The following MGMT variants were observed in gnomAD, a reference collection of about 807,000 sequenced individuals.
MGMT encodes the protein methylated-DNA--protein-cysteine methyltransferase.
MGMT carries 14 observed loss-of-function variants against 15.9 expected under a neutral mutation model. That is an observed-to-expected ratio of 0.88 (90% confidence interval 0.58 to 1.37). The LOEUF (loss-of-function observed/expected upper bound fraction) is 1.37, where lower values mean the gene tolerates loss of function less well. MGMT is among the 40% of genes most tolerant of loss of function. The probability of loss-of-function intolerance (pLI) is 0.00; values close to 1 mark genes in which losing one functional copy is unlikely to be tolerated. For synonymous variants in MGMT, 130 were observed against 118.2 expected, an observed-to-expected ratio of 1.10 and a Z score of -0.65; for missense variants, 282 against 268.1, an observed-to-expected ratio of 1.05 and a Z score of -0.36.
rs905321674 is a variant in MGMT, at chr10:129,769,135, C to T, written c.*2138C>T. On this transcript the variant is annotated 3_prime_UTR_variant, in exon 5 of 5. Transcript: ENST00000651593. ...CAGGTGGGCCTGCTCGGACCATGCC[C>T]TTGGTGCAGTACAAAACCATGTTCT... The T allele has an allele frequency of 2.0e-5, 3 of 152,344 alleles. No homozygotes were observed. Among genetic ancestry groups the T allele is most frequent in the Non-Finnish European group, 4.4e-5 (3 of 68,130 alleles). The allele number at this position is 152,344 out of a possible 1,614,324, so 9.4% of individuals were successfully genotyped here.
At chr10:129,586,753 G>A (rs1406023598) in intron 2 of MGMT, among the ~76,000 whole-genome samples, 1 of 152,238 alleles carries the variant, frequency 6.6e-6, no homozygotes, top group Non-Finnish European at 1.5e-5. Flanking sequence ...ACACCTAGGA[G>A]TGGATCCTAT....
At chr10:129,567,102 C>T (rs1388422399) in intron 2 of MGMT, among the ~76,000 whole-genome samples, 1 of 152,136 alleles carries the variant, frequency 6.6e-6, no homozygotes, top group Non-Finnish European at 1.5e-5. Flanking sequence ...CTTAGAGCTG[C>T]TTTGTTTTCC....
intron 2 of MGMT, among the ~76,000 whole-genome samples, chr10:129,626,135 C>G (rs750602443): frequency 2.6e-5 from 4 of 152,152 alleles, no homozygotes; most frequent in Non-Finnish European, 5.9e-5. Context: ...GGACTAGGCT[C>G]TTTTTCATCC....
chr10:129,590,250 C>T (rs550819522), intron 2 of MGMT, among the ~76,000 whole-genome samples: 12 of 152,156 alleles, frequency 7.9e-5, no homozygotes, highest in African/African-American at 1.4e-4. Flanking sequence ...TTATAAAATA[C>T]GTTTAATATA....
Position 129,743,520 on chromosome 10 carries a change from C to T in MGMT, c.275-15682C>T, listed in dbSNP as rs35527839. Among the ~76,000 whole-genome samples the T allele has an allele frequency of 7.2e-3, 1,103 of 152,270 alleles. 14 individuals are homozygous for T. Among genetic ancestry groups the T allele is most frequent in the Admixed American group, 0.011 (172 of 15,294 alleles). On this transcript the variant is annotated intron_variant, in intron 3 of 4. Coordinates refer to ENST00000651593, the MANE Select transcript of MGMT (RefSeq NM_002412.5). ...TCTGACAGAGGTGTCTGTGTTTCACCAACTCAGTCTGTCCCTGCCCATTGT... is the reference window on the plus strand; with the variant it reads ...TCTGACAGAGGTGTCTGTGTTTCACTAACTCAGTCTGTCCCTGCCCATTGT...
chr10:129,658,086 G>C (rs1847552992), intron 2 of MGMT, among the ~76,000 whole-genome samples: 1 of 152,140 alleles, frequency 6.6e-6, no homozygotes. Flanking sequence ...ATGCTGTTTT[G>C]TTTTTGCTTC....
intron 1 of MGMT, among the ~76,000 whole-genome samples, chr10:129,528,397 G>C (rs1003141311): frequency 1.3e-5 from 2 of 150,506 alleles, no homozygotes; most frequent in East Asian, 4.0e-4. Flanking sequence ...CTCTGAGAAA[G>C]TGACGTCTGA....
At chr10:129,709,242 G>C (rs922074979) in intron 3 of MGMT, among the ~76,000 whole-genome samples, 5 of 152,160 alleles carry the variant, frequency 3.3e-5, no homozygotes, top group Non-Finnish European at 7.3e-5. Context: ...CCAATGGGCT[G>C]CTGCCAGGAC....
At chr10:129,501,790 G>T (rs111698708) in intron 1 of MGMT, among the ~76,000 whole-genome samples, 1 of 152,196 alleles carries the variant, frequency 6.6e-6, no homozygotes. Context: ...AGCAGCATTC[G>T]TGTCTGTGGT....
At chr10:129,584,329 G>C (rs929585528) in intron 2 of MGMT, among the ~76,000 whole-genome samples, 3 of 152,154 alleles carry the variant, frequency 2.0e-5, no homozygotes, top group African/African-American at 7.2e-5. Flanking sequence ...CTGTCCATGG[G>C]GGCCTGACAG....
intron 2 of MGMT, among the ~76,000 whole-genome samples, chr10:129,574,843 T>C (rs1482201747): frequency 2.6e-5 from 4 of 152,190 alleles, no homozygotes; most frequent in Admixed American, 2.6e-4. Flanking sequence ...CATAGCTTTT[T>C]CAAAGGTTTT....
intron 2 of MGMT, among the ~76,000 whole-genome samples, chr10:129,687,333 CCCG>C (rs1479789755): frequency 1.3e-5 from 2 of 152,046 alleles, no homozygotes; most frequent in Non-Finnish European, 2.9e-5. Context: ...TCTCTCATAG[CCCG>C]ACGTATCACC....
chr10:129,634,347 T>C (rs564038559), intron 2 of MGMT, among the ~76,000 whole-genome samples: 29 of 152,364 alleles, frequency 1.9e-4, no homozygotes, highest in African/African-American at 6.7e-4. Flanking sequence ...TTTTACTTGG[T>C]TTCACTGTCC....
intron 1 of MGMT, among the ~76,000 whole-genome samples, chr10:129,479,767 C>G (rs905483389): frequency 2.0e-5 from 3 of 147,584 alleles, no homozygotes; most frequent in African/African-American, 5.0e-5. Flanking sequence ...AAAGGGCCCT[C>G]TCCGTGTTGT....
At chr10:129,570,119 G>T (rs962330914) in intron 2 of MGMT, among the ~76,000 whole-genome samples, 2 of 152,206 alleles carry the variant, frequency 1.3e-5, no homozygotes, top group Non-Finnish European at 2.9e-5. Context: ...GTGCATGGCC[G>T]CAGCAGACTG....
At position 129,490,928 on chromosome 10, in the gene MGMT, C is replaced by T. The variant is rs76121884; in HGVS notation, c.-13+23632C>T. 5.9e-3 allele frequency among the ~76,000 whole-genome samples: 898 copies of T among 152,270 alleles called. 9 individuals carry two copies. The highest frequency in any genetic ancestry group is 9.3e-3 in the Non-Finnish European group (636 of 68,034). ...TAGTTCACCTAAATTGCTACTTTGC[C>T]ACTTCCTGAATAGTAAAATACTTTA... On this transcript the variant is annotated intron_variant, in intron 1 of 4. Coordinates refer to ENST00000651593, the MANE Select transcript of MGMT (RefSeq NM_002412.5).
At chr10:129,538,722 G>C (rs573307690) in intron 2 of MGMT, among the ~76,000 whole-genome samples, 1 of 151,944 alleles carries the variant, frequency 6.6e-6, no homozygotes, top group South Asian at 2.1e-4. Flanking sequence ...TGCAACCTCC[G>C]CCTCCTGGGT....
chr10:129,593,266 C>T (rs143321111), intron 2 of MGMT, among the ~76,000 whole-genome samples: 7 of 152,328 alleles, frequency 4.6e-5, no homozygotes, highest in Admixed American at 1.3e-4. Flanking sequence ...CAAGTCATGA[C>T]GGTGGGTGAA....
intron 2 of MGMT, among the ~76,000 whole-genome samples, chr10:129,579,637 A>G (rs1008967338): frequency 2.0e-5 from 3 of 152,242 alleles, no homozygotes; most frequent in Non-Finnish European, 2.9e-5. Context: ...AAGGCGACAC[A>G]TGGAACGAGC....
Sources: gnomAD v4.1 joint callset for allele counts (sites outside exome capture counted in the v4.1 genomes callset) on GRCh38, gnomAD v4.1.1 for gene constraint, MANE v1.5 for transcripts, NCBI Gene and HGNC (gene_info 2026-07-23, HGNC 2026-07-21) for gene names.